Variants in RWDD2B observed in about 807,000 individuals in gnomAD.
RWDD2B encodes RWD domain containing 2B.
RWDD2B carries 36 observed loss-of-function variants against 33.6 expected under a neutral mutation model. The observed-to-expected ratio is 1.07, with a 90% CI of 0.82 to 1.42. The LOEUF (loss-of-function observed/expected upper bound fraction) is 1.42. Among genes scored for constraint, RWDD2B ranks in the 40% most tolerant of loss-of-function variants. The pLI is 0.00. For missense variants in RWDD2B, 364 were observed against 377.5 expected, an observed-to-expected ratio of 0.96 and a Z score of 0.30; for synonymous variants, 126 against 133.1, an observed-to-expected ratio of 0.95 and a Z score of 0.37.
At chr21:29,009,392 GTTTTTTT>G (rs11317441) in intron 1 of RWDD2B, among the ~76,000 whole-genome samples, 10 of 116,144 alleles carry the variant, frequency 8.6e-5, no homozygotes, top group African/African-American at 9.2e-5. Flanking sequence ...GCATTTATTA[GTTTTTTT>G]TTTTTTTTTT....
intron 1 of RWDD2B, among the ~76,000 whole-genome samples, chr21:29,015,739 C>T (rs2084887221): frequency 6.6e-6 from 1 of 152,086 alleles, no homozygotes; most frequent in South Asian, 2.1e-4. Flanking sequence ...TCATGTTGGC[C>T]AGGCTGGTCT....
chr21:29,013,769 GTTTT>G (rs2084876614), intron 1 of RWDD2B, among the ~76,000 whole-genome samples: 1 of 151,490 alleles, frequency 6.6e-6, no homozygotes, highest in African/African-American at 2.4e-5. Flanking sequence ...CCCTTCAGTA[GTTTT>G]TTTAATAGCT....
intron 1 of RWDD2B, among the ~76,000 whole-genome samples, chr21:29,015,351 C>G (rs2084885028): frequency 6.6e-6 from 1 of 150,564 alleles, no homozygotes; most frequent in African/African-American, 2.5e-5. Context: ...CTGCCTCAGC[C>G]TCCTGCGTAG....
chr21:29,011,329 G>A (rs1481798965), intron 1 of RWDD2B, among the ~76,000 whole-genome samples: 12 of 149,482 alleles, frequency 8.0e-5, no homozygotes, highest in African/African-American at 2.2e-4. Flanking sequence ...CGCCCCGTCC[G>A]GGATGCGAGG....
chr21:29,012,506 A>G (rs952856352), intron 1 of RWDD2B, among the ~76,000 whole-genome samples: 2 of 151,920 alleles, frequency 1.3e-5, no homozygotes, highest in Non-Finnish European at 2.9e-5. Context: ...CATGTGCTGT[A>G]TCCACTCAGG....
chr21:29,011,086 C>T (rs1208522259), intron 1 of RWDD2B, among the ~76,000 whole-genome samples: 1 of 151,766 alleles, frequency 6.6e-6, no homozygotes, highest in African/African-American at 2.4e-5. Context: ...TGCCCGGCCG[C>T]CACCCCGTCT....
rs1227643772 is a variant in RWDD2B, at chr21:29,006,399, T to C, written c.*18A>G. The C allele has an allele frequency of 6.7e-7, 1 of 1,493,726 alleles. No homozygotes were observed. The highest frequency in any genetic ancestry group is 2.3e-5 in the East Asian group (1 of 43,594). 92.5% of individuals were successfully genotyped at this position (1,493,726 alleles called of 1,614,324 possible). On this transcript the variant is annotated 3_prime_UTR_variant, in exon 5 of 5. Coordinates refer to ENST00000493196, the MANE Select transcript of RWDD2B (RefSeq NM_016940.3). Reference sequence around the variant, plus strand: ...CAAAAGGCCAACAGTGGCAAGATACTTTCAACTACTCTTGATGTCATTGTC... The same window carrying C: ...CAAAAGGCCAACAGTGGCAAGATACCTTCAACTACTCTTGATGTCATTGTC...
chr21:29,016,708 TG>T (rs2084892158), intron 1 of RWDD2B, among the ~76,000 whole-genome samples: 1 of 152,356 alleles, frequency 6.6e-6, no homozygotes, highest in African/African-American at 2.4e-5. Context: ...TGGTTTACTT[TG>T]TTTTTTTGTT....
intron 1 of RWDD2B, among the ~76,000 whole-genome samples, chr21:29,010,055 G>A (rs7276095): frequency 0.021 from 3,160 of 152,044 alleles, 113 homozygotes; most frequent in African/African-American, 0.072. Context: ...ACCTATTGAT[G>A]GACACTTGGG....
At chr21:29,011,820 T>C (rs1234458764) in intron 1 of RWDD2B, among the ~76,000 whole-genome samples, 1 of 122,598 alleles carries the variant, frequency 8.2e-6, no homozygotes, top group African/African-American at 3.1e-5. Flanking sequence ...GAGGGGCGCC[T>C]CTGCCCGGCC....
chr21:29,017,408 T>C (rs2084895719), intron 1 of RWDD2B, among the ~76,000 whole-genome samples: 1 of 151,606 alleles, frequency 6.6e-6, no homozygotes. Context: ...GGTCAGGAGT[T>C]TGAGACCAGC....
intron 1 of RWDD2B, among the ~76,000 whole-genome samples, chr21:29,009,219 C>G (rs185939328): frequency 2.0e-5 from 3 of 152,158 alleles, no homozygotes; most frequent in South Asian, 2.1e-4. Context: ...TTCTGAGTAG[C>G]TAGGACCACA....
rs1555851476 is a variant in RWDD2B at position 29,012,180 on chromosome 21, C to CA, written c.68-3560_68-3559insT. 4.6e-4 allele frequency among the ~76,000 whole-genome samples: 68 copies of CA among 148,196 alleles called. 3 individuals are homozygous for CA. Among genetic ancestry groups the CA allele is most frequent in the Non-Finnish European group, 9.6e-4 (64 of 66,738 alleles). On this transcript the variant is annotated intron_variant, in intron 1 of 4. Transcript: ENST00000493196. ...GGGAGGGAGGTGGGGGTGGTCAGCC[C>CA]CCCCCCGGGAGGTGAGGGGCGCCTC...
At chr21:29,012,372 C>T (rs1045775678) in intron 1 of RWDD2B, among the ~76,000 whole-genome samples, 9 of 152,138 alleles carry the variant, frequency 5.9e-5, no homozygotes, top group Non-Finnish European at 1.2e-4. Context: ...CGGATGGTTG[C>T]TGTGTCTGTG....
chr21:29,008,293 C>G lies in RWDD2B; in HGVS notation c.309G>C (p.Leu103=). 2 of 1,614,140 alleles carry G rather than the reference C, an allele frequency of 1.2e-6. No homozygotes were observed. Among genetic ancestry groups the G allele is most frequent in the Non-Finnish European group, 1.7e-6 (2 of 1,179,992 alleles). Reference sequence around the variant, plus strand: ...GGTATTTAAAGGGAAGAATACAGGCCAGAGAAAACATCGCCTGATTAAAGA... The same window carrying G: ...GGTATTTAAAGGGAAGAATACAGGCGAGAGAAAACATCGCCTGATTAAAGA... The part of the protein sequence containing the change: ...VSDEKMAMFS[L]ACILPFKYPA... Residue 103 remains leucine, a synonymous_variant, in exon 3 of 5, where the codon CTG becomes CTC. Transcript: ENST00000493196.
In RWDD2B at chr21:29,006,250, C is replaced by G. The variant is rs1041327232; in HGVS notation, c.*167G>C. 2 of 498,918 alleles carry G rather than the reference C, an allele frequency of 4.0e-6. No individual in the cohort carries two copies. The highest frequency in any genetic ancestry group is 7.7e-5 in the Admixed American group (2 of 26,126). The allele number at this position is 498,918 out of a possible 1,614,324, so 30.9% of individuals were successfully genotyped here. A position where few individuals can be genotyped will look rare whatever the true frequency, so the allele number is the denominator to read the frequency against. ...TTTGAAACTCAGTTCTGCTTTCAAT[C>G]ATGACATTTTTAACAGATGCATTTC... On this transcript the variant is annotated 3_prime_UTR_variant, in exon 5 of 5. Transcript: ENST00000493196.
rs1016764005 is a variant in RWDD2B at position 29,016,262 on chromosome 21, T to A, written c.67+2949A>T. Among the ~76,000 whole-genome samples the A allele has an allele frequency of 8.5e-5, 13 of 152,242 alleles. 1 individual carries two copies. The highest frequency in any genetic ancestry group is 1.9e-4 in the East Asian group (1 of 5,184). On this transcript the variant is annotated intron_variant, in intron 1 of 4. Transcript: ENST00000493196. Reference sequence around the variant, plus strand: ...GTTTTCTTTTGTTTTTTTTCCGATTTTTTATTTATTTATTTTTTTGAGACG... The same window carrying A: ...GTTTTCTTTTGTTTTTTTTCCGATTATTTATTTATTTATTTTTTTGAGACG...
Position 29,007,922 on chromosome 21 carries a change from C to A in RWDD2B, c.564G>T (p.Thr188=), listed in dbSNP as rs760441462. The A allele has an allele frequency of 3.3e-5, 53 of 1,614,074 alleles. No homozygotes were observed. The highest frequency in any genetic ancestry group is 4.3e-5 in the Non-Finnish European group (51 of 1,180,054). Reference sequence around the variant, plus strand: ...TATGATGGCTGTAGATCCAGAGTCTCGTGAAGATGAGGTCAACTGACTGGA... The same window carrying A: ...TATGATGGCTGTAGATCCAGAGTCTAGTGAAGATGAGGTCAACTGACTGGA... The part of the protein sequence containing the change: ...STVQSVDLIF[T]RLWIYSHHIY... Residue 188 remains threonine (T), a synonymous_variant, in exon 4 of 5, where the codon ACG becomes ACT. Transcript: ENST00000493196.
chr21:29,018,281 C>T (rs935725988), intron 1 of RWDD2B, among the ~76,000 whole-genome samples: 7 of 152,110 alleles, frequency 4.6e-5, no homozygotes, highest in African/African-American at 9.7e-5. Flanking sequence ...TTTATTTAGA[C>T]GTTGATGGTC....
Sources: allele counts gnomAD v4.1 joint callset (sites outside exome capture counted in the v4.1 genomes callset), GRCh38; gene constraint gnomAD v4.1.1; transcripts MANE v1.5; gene names NCBI Gene and HGNC (gene_info 2026-07-23, HGNC 2026-07-21).